The following TEAD1 variants were observed in gnomAD, a reference collection of about 807,000 sequenced individuals.
The protein encoded by TEAD1 is TEA domain transcription factor 1, also known as transcriptional enhancer factor TEF-1.
In TEAD1, 9 loss-of-function variants were observed where a neutral mutation model predicts 54.9. The ratio of observed to expected loss-of-function variants is 0.16; its 90% confidence interval spans 0.10 to 0.29. The LOEUF (loss-of-function observed/expected upper bound fraction) is 0.29, where lower values mean the gene tolerates loss of function less well. Among genes scored for constraint, TEAD1 ranks in the 10% least tolerant of loss-of-function variants. The pLI is 1.00. For synonymous variants in TEAD1, 200 were observed against 187.8 expected, an observed-to-expected ratio of 1.07 and a Z score of -0.53; for missense variants, 387 against 535.9, an observed-to-expected ratio of 0.72 and a Z score of 2.74.
At chr11:12,683,306 A>G (rs769702264) in intron 2 of TEAD1, among the ~76,000 whole-genome samples, 13 of 152,226 alleles carry the variant, frequency 8.5e-5, no homozygotes, top group Non-Finnish European at 1.6e-4. Context: ...GGTTAGTGAA[A>G]TGTTGAAACA....
chr11:12,865,447 G>A (rs1021394358), intron 5 of TEAD1: 1 of 156,408 alleles, frequency 6.4e-6, no homozygotes, highest in Non-Finnish European at 1.4e-5. Context: ...AGTATTTTCA[G>A]CCAGATTTCT....
chr11:12,729,931 T>C (rs1427885102), intron 2 of TEAD1, among the ~76,000 whole-genome samples: 1 of 152,224 alleles, frequency 6.6e-6, no homozygotes, highest in Non-Finnish European at 1.5e-5. Flanking sequence ...ATCCACACGC[T>C]GCAGATTCAC....
intron 3 of TEAD1, among the ~76,000 whole-genome samples, chr11:12,782,131 A>G (rs949958794): frequency 3.3e-5 from 5 of 152,112 alleles, no homozygotes; most frequent in African/African-American, 9.7e-5. Flanking sequence ...GCCTGTCTCA[A>G]AAAACAAAAC....
intron 2 of TEAD1, among the ~76,000 whole-genome samples, chr11:12,732,862 G>T (rs1023395942): frequency 9.9e-5 from 15 of 152,178 alleles, no homozygotes; most frequent in Non-Finnish European, 1.3e-4. Flanking sequence ...TTTTCTGCGA[G>T]ATATAGAAAA....
rs759396966 is a variant in TEAD1, at chr11:12,881,955, C to G, written c.572C>G (p.Pro191Arg). 6.2e-7 allele frequency: 1 copy of G among 1,614,188 alleles called. No individual in the cohort carries two copies. Among genetic ancestry groups the G allele is most frequent in the Admixed American group, 1.7e-5 (1 of 60,030 alleles). The change falls in exon 8 of 13, where the codon CCA becomes CGA. Residue 191 changes from proline (P) to arginine (R), a missense_variant and splice_region_variant. Coordinates refer to ENST00000527636, the MANE Select transcript of TEAD1 (RefSeq NM_021961.6). ...CAGCCAGCGGTCACAGCCCCCATTC[C>G]AGGTGAGTGTCCCTGAAACTCCTTT... is the stretch of plus-strand genomic sequence containing the variant.
intron 3 of TEAD1, among the ~76,000 whole-genome samples, chr11:12,769,822 G>A (rs1055216389): frequency 6.6e-6 from 1 of 152,166 alleles, no homozygotes; most frequent in Non-Finnish European, 1.5e-5. Context: ...GGACCCCACC[G>A]ATCACAGGAT....
rs1183768512 is a variant in TEAD1, at chr11:12,840,257, AAAAAAG to A, written c.203-21987_203-21982del. On this transcript the variant is annotated intron_variant, in intron 3 of 12. Transcript: ENST00000527636. Reference sequence around the variant, plus strand: ...GCGAGACTCTGCCTCAAAAAAAAAAAAAAAAGAAAAAAAAAAGACCAGAAACGAAAT... The same window carrying A: ...GCGAGACTCTGCCTCAAAAAAAAAAAAAAAAAAAAAGACCAGAAACGAAAT... Among the ~76,000 whole-genome samples, 44 of 19,014 alleles carry A rather than the reference AAAAAAG, an allele frequency of 2.3e-3. 1 individual carries two copies. The East Asian group carries it at 0.025, about 11-fold the overall frequency. The allele number at this position is 19,014 out of a possible 152,430, so 12.5% of individuals were successfully genotyped here.
At chr11:12,836,738 C>G (rs1257914441) in intron 3 of TEAD1, among the ~76,000 whole-genome samples, 1 of 152,146 alleles carries the variant, frequency 6.6e-6, no homozygotes, top group Non-Finnish European at 1.5e-5. Context: ...GGAAAACCAC[C>G]CATTCTTGTG....
At chr11:12,860,876 A>G (rs1947485806) in intron 3 of TEAD1, among the ~76,000 whole-genome samples, 2 of 152,246 alleles carry the variant, frequency 1.3e-5, no homozygotes, top group African/African-American at 4.8e-5. Context: ...TAGTTGGGCA[A>G]TTAGAGAAGA....
intron 3 of TEAD1, among the ~76,000 whole-genome samples, chr11:12,821,529 T>C (rs1946545086): frequency 6.6e-6 from 1 of 152,216 alleles, no homozygotes. Context: ...TTTTTATCTA[T>C]TAAATGGGAG....
At chr11:12,689,637 C>G (rs1943411816) in intron 2 of TEAD1, among the ~76,000 whole-genome samples, 1 of 152,160 alleles carries the variant, frequency 6.6e-6, no homozygotes, top group South Asian at 2.1e-4. Flanking sequence ...TAGCATCTGT[C>G]TCTCTTTTTG....
chr11:12,869,923 G>A (rs1463439599), intron 5 of TEAD1, among the ~76,000 whole-genome samples: 3 of 151,528 alleles, frequency 2.0e-5, no homozygotes, highest in Admixed American at 6.6e-5. Flanking sequence ...TTTGTCGCCC[G>A]GGCGGGAGTG....
chr11:12,762,373 CTT>C (rs150283608), intron 2 of TEAD1, among the ~76,000 whole-genome samples: 49,369 of 151,774 alleles, frequency 0.33, 8,852 homozygotes, highest in South Asian at 0.6. Flanking sequence ...TCATAAGACT[CTT>C]AGATCGTAAC....
At chr11:12,776,928 G>A (rs1157297479) in intron 3 of TEAD1, among the ~76,000 whole-genome samples, 2 of 151,922 alleles carry the variant, frequency 1.3e-5, no homozygotes, top group Non-Finnish European at 2.9e-5. Context: ...CGCAGTGGCT[G>A]GGATTACAGG....
At chr11:12,744,280 T>C (rs1256150727) in intron 2 of TEAD1, among the ~76,000 whole-genome samples, 2 of 152,200 alleles carry the variant, frequency 1.3e-5, no homozygotes, top group African/African-American at 4.8e-5. Context: ...ATTTTTCTGC[T>C]CTTTGACTGT....
chr11:12,734,287 C>T (rs559519998), intron 2 of TEAD1, among the ~76,000 whole-genome samples: 65 of 152,000 alleles, frequency 4.3e-4, no homozygotes, highest in African/African-American at 1.5e-3. Flanking sequence ...TAGAAAAAGA[C>T]ATAAAATATT....
intron 5 of TEAD1, among the ~76,000 whole-genome samples, chr11:12,868,143 C>G (rs1449487184): frequency 6.6e-6 from 1 of 152,178 alleles, no homozygotes; most frequent in African/African-American, 2.4e-5. Flanking sequence ...CCTGGTGAGT[C>G]TTCTTGCTTA....
rs532268900 is a variant in TEAD1 at position 12,799,818 on chromosome 11, C to T, written c.202+35384C>T. On this transcript the variant is annotated intron_variant, in intron 3 of 12. Coordinates refer to ENST00000527636, the MANE Select transcript of TEAD1 (RefSeq NM_021961.6). ...TGAAGTTCTTTGTTTTTCTAACCTC[C>T]GTCAAAATAATGTAGTGTTTTGCTT... 4.6e-5 allele frequency among the ~76,000 whole-genome samples: 7 copies of T among 152,228 alleles called. No homozygotes were observed. The South Asian group carries it at 8.3e-4, about 18-fold the overall frequency.
Position 12,942,583 on chromosome 11 carries a change from C to T in TEAD1, c.*5361C>T, listed in dbSNP as rs1949171999. ...TGGTGGACAGATACTACAGCTTTCT[C>T]CTCCTCCTTGTGTTCGTGTTCAGTC... On this transcript the variant is annotated 3_prime_UTR_variant, in exon 13 of 13. Transcript: ENST00000527636. The T allele has an allele frequency of 6.6e-6, 1 of 152,202 alleles. No individual in the cohort carries two copies. The highest frequency in any genetic ancestry group is 1.5e-5 in the Non-Finnish European group (1 of 68,046). 9.4% of individuals were successfully genotyped at this position (152,202 alleles called of 1,614,324 possible).
Sources: allele counts gnomAD v4.1 joint callset (sites outside exome capture counted in the v4.1 genomes callset), GRCh38; gene constraint gnomAD v4.1.1; transcripts MANE v1.5; gene names NCBI Gene and HGNC (gene_info 2026-07-23, HGNC 2026-07-21).